Variants in SLC8A2 observed in about 807,000 individuals in gnomAD.
SLC8A2 encodes the protein sodium/calcium exchanger 2.
In SLC8A2, 14 loss-of-function variants were observed where a neutral mutation model predicts 70.2. The observed-to-expected ratio is 0.20, with a 90% confidence interval of 0.13 to 0.31. The LOEUF is 0.31. SLC8A2 is among the 10% of genes least tolerant of loss of function. The probability of loss-of-function intolerance (pLI) is 1.00; values close to 1 mark genes in which losing one functional copy is unlikely to be tolerated. For missense variants in SLC8A2, 779 were observed against 1,320.1 expected (o/e 0.59, Z 6.35); for synonymous variants, 575 against 594.3 (o/e 0.97, Z 0.47).
intron 3 of SLC8A2, among the ~76,000 whole-genome samples, chr19:47,450,108 T>C (rs75045117): frequency 0.052 from 7,910 of 152,212 alleles, 269 homozygotes; most frequent in Middle Eastern, 0.099. Flanking sequence ...CTCTGGGATA[T>C]TAAGAAATCT....
chr19:47,431,884 C>G (rs1966967404), intron 9 of SLC8A2, among the ~76,000 whole-genome samples: 1 of 152,102 alleles, frequency 6.6e-6, no homozygotes, highest in Non-Finnish European at 1.5e-5. Flanking sequence ...CTTCCCCACC[C>G]TGCCACCTTC....
chr19:47,447,632 G>T lies in SLC8A2; in HGVS notation c.1763+177C>A, dbSNP rs1599851065. On this transcript the variant is annotated intron_variant, in intron 4 of 9. Transcript: ENST00000236877. The surrounding 1 kb of genome is among the most constrained non-coding windows in gnomAD (Gnocchi z 5.1). ...AAGCCCCGCCCACGTCGTGGGCATG[G>T]GTCACAGGCCCCGCCCACGTTGCGG... The T allele has an allele frequency of 4.7e-6, 2 of 423,228 alleles. No homozygotes were observed. The highest frequency in any genetic ancestry group is 5.0e-5 in the South Asian group (2 of 40,084). 26.2% of individuals were successfully genotyped at this position (423,228 alleles called of 1,614,324 possible).
chr19:47,437,619 A>G, intron 7 of SLC8A2, 58 bp from the exon 8 acceptor site: 1 of 1,401,700 alleles, frequency 7.1e-7, no homozygotes, highest in East Asian at 2.3e-5. Flanking sequence ...GGGAAGCTCC[A>G]TGTTGGGTCC....
At chr19:47,450,842 T>A (rs1967225561) in intron 3 of SLC8A2, among the ~76,000 whole-genome samples, 1 of 152,042 alleles carries the variant, frequency 6.6e-6, no homozygotes, top group Admixed American at 6.6e-5. Flanking sequence ...CCTGGCGCTG[T>A]GGTGAGGACT....
At chr19:47,452,459 T>A (rs1967255966) in intron 3 of SLC8A2, among the ~76,000 whole-genome samples, 4 of 139,050 alleles carry the variant, frequency 2.9e-5, no homozygotes, top group African/African-American at 9.2e-5. Context: ...TGTGTGTGTG[T>A]GTGTGTGTGT....
At chr19:47,444,952 A>G (rs1599849536) in intron 4 of SLC8A2, among the ~76,000 whole-genome samples, 2 of 152,208 alleles carry the variant, frequency 1.3e-5, no homozygotes, top group East Asian at 3.9e-4. Flanking sequence ...CAGCATCGTG[A>G]GAACCTCTCC....
At chr19:47,449,356 G>T (rs1225261900) in intron 3 of SLC8A2, among the ~76,000 whole-genome samples, 1 of 152,006 alleles carries the variant, frequency 6.6e-6, no homozygotes, top group Non-Finnish European at 1.5e-5. Flanking sequence ...ACAGAGTCTC[G>T]CTGTCATCCA....
chr19:47,441,375 T>A lies in SLC8A2; in HGVS notation c.1829A>T (p.Glu610Val). ...CTTAAGCCACTGGGGCTGGCCCAGC[T>A]CAATGAAGAAATTATCCTTTTTCTC... ...EYEKKDNFFI[E>V]LGQPQWLKRG... The change falls in exon 5 of 10, where the codon GAG (glutamate) becomes GTG (valine). Residue 610 changes from glutamate (E) to valine (V), a missense_variant. Physicochemically the swap from Glu to Val is moderately radical, Grantham distance 121 (BLOSUM62 -2). Around this residue, in one of 6 missense-constraint regions of SLC8A2, gnomAD observed 247 missense variants for 362.8 expected, o/e 0.68. Transcript: ENST00000236877. 1 of 1,613,920 alleles carries A rather than the reference T, an allele frequency of 6.2e-7. No individual in the cohort carries two copies. Among genetic ancestry groups the A allele is most frequent in the Non-Finnish European group, 8.5e-7 (1 of 1,179,816 alleles).
At chr19:47,453,276 A>G (rs955688299) in intron 3 of SLC8A2, among the ~76,000 whole-genome samples, 1 of 152,238 alleles carries the variant, frequency 6.6e-6, no homozygotes. Context: ...GAAAACTCTT[A>G]TAATAGAAAT....
chr19:47,452,852 G>A (rs1271999765), intron 3 of SLC8A2, among the ~76,000 whole-genome samples: 1 of 152,054 alleles, frequency 6.6e-6, no homozygotes, highest in Admixed American at 6.6e-5. Context: ...GGCCAACATG[G>A]TGAAACCCCA....
rs145129712 is a variant in SLC8A2 at position 47,434,204 on chromosome 19, G to A, written c.2111-1759C>T. On this transcript the variant is annotated intron_variant, in intron 8 of 9. Coordinates refer to ENST00000236877, the MANE Select transcript of SLC8A2 (RefSeq NM_015063.3). ...TGGGAGAGAGGTGGCTGCTATTACCGCATCACTATGTCAGTTGAGGCTTCT... is the reference window on the plus strand; with the variant it reads ...TGGGAGAGAGGTGGCTGCTATTACCACATCACTATGTCAGTTGAGGCTTCT... Among the ~76,000 whole-genome samples, 70 of 152,286 alleles carry A rather than the reference G, an allele frequency of 4.6e-4. No individual in the cohort carries two copies. The South Asian group carries it at 5.4e-3, about 12-fold the overall frequency.
chr19:47,453,302 C>G (rs1967266635), intron 3 of SLC8A2, among the ~76,000 whole-genome samples: 1 of 152,210 alleles, frequency 6.6e-6, no homozygotes, highest in African/African-American at 2.4e-5. Context: ...TCTACAATGT[C>G]CACTATGAAG....
chr19:47,438,355 GC>G (rs1427198005), intron 6 of SLC8A2, among the ~76,000 whole-genome samples: 1 of 152,058 alleles, frequency 6.6e-6, no homozygotes, highest in Admixed American at 6.5e-5. Flanking sequence ...ACAGTGCCTG[GC>G]ACACAATAAA....
rs537259658 is a variant in SLC8A2 at position 47,447,592 on chromosome 19, C to T, written c.1763+217G>A. ...ACTCAGGCCCCTCTCCTCCTGAGGGCCCAGCTGTTCAGTGAAGCCCCGCCC... is the reference window on the plus strand; with the variant it reads ...ACTCAGGCCCCTCTCCTCCTGAGGGTCCAGCTGTTCAGTGAAGCCCCGCCC... On this transcript the variant is annotated intron_variant, in intron 4 of 9. Coordinates refer to ENST00000236877, the MANE Select transcript of SLC8A2 (RefSeq NM_015063.3). This position sits in a 1 kb window ranked among gnomAD's most constrained non-coding sequence, Gnocchi z 5.1. 3 of 560,092 alleles carry T rather than the reference C, an allele frequency of 5.4e-6. No individual in the cohort carries two copies. Among genetic ancestry groups the T allele is most frequent in the South Asian group, 2.2e-5 (1 of 44,772 alleles). The allele number at this position is 560,092 out of a possible 1,614,324, so 34.7% of individuals were successfully genotyped here. A position where few individuals can be genotyped will look rare whatever the true frequency, so the allele number is the denominator to read the frequency against.
rs531649451 is a variant in SLC8A2, at chr19:47,429,592, G to A, written c.*497C>T. ...AGCGGAGCTCCCTGAGGGCTGGGGG[G>A]AAGGGCTGGGAGCTGAGACGGCCTC... On this transcript the variant is annotated 3_prime_UTR_variant, in exon 10 of 10. Coordinates refer to ENST00000236877, the MANE Select transcript of SLC8A2 (RefSeq NM_015063.3). 5.6e-5 allele frequency: 9 copies of A among 160,254 alleles called. No individual in the cohort carries two copies. In the South Asian group the frequency reaches 7.4e-4, roughly 13 times the overall value. The allele number at this position is 160,254 out of a possible 1,614,324, so 9.9% of individuals were successfully genotyped here.
intron 3 of SLC8A2, among the ~76,000 whole-genome samples, chr19:47,456,097 C>T (rs1428856649): frequency 1.3e-5 from 2 of 152,196 alleles, no homozygotes; most frequent in Non-Finnish European, 2.9e-5. Flanking sequence ...ACAGTGCATG[C>T]TCAATAAGCA....
intron 2 of SLC8A2, among the ~76,000 whole-genome samples, chr19:47,459,066 A>C (rs1409292571): frequency 6.9e-4 from 63 of 91,382 alleles, no homozygotes; most frequent in Middle Eastern, 9.8e-3. Context: ...CTTATTCTCT[A>C]TTTCCCTCTC....
At chr19:47,458,308 C>G (rs1371270927) in intron 2 of SLC8A2, among the ~76,000 whole-genome samples, 1 of 118,072 alleles carries the variant, frequency 8.5e-6, no homozygotes, top group Non-Finnish European at 1.7e-5. Context: ...CCCCATCTCT[C>G]TCCATCTCAA....
At chr19:47,434,605 T>C (rs951970004) in intron 8 of SLC8A2, among the ~76,000 whole-genome samples, 5 of 152,170 alleles carry the variant, frequency 3.3e-5, no homozygotes, top group African/African-American at 1.2e-4. Flanking sequence ...GAAGGCCTTT[T>C]TTGGTGCCTG....
Sources: gnomAD v4.1 joint callset for allele counts (sites outside exome capture counted in the v4.1 genomes callset) on GRCh38, gnomAD v4.1.1 for gene constraint, gnomAD v4.1.1 regional missense constraint, Gnocchi (gnomAD v3.1) non-coding constraint, MANE v1.5 for transcripts, NCBI Gene and HGNC (gene_info 2026-07-23, HGNC 2026-07-21) for gene names.